Variants in CLIP1 observed in about 807,000 individuals in gnomAD.
CLIP1 encodes the protein CAP-Gly domain containing linker protein 1.
A neutral mutation model predicts 161.6 loss-of-function variants in CLIP1; 66 were observed. That is an observed-to-expected ratio of 0.41 (90% CI 0.33 to 0.50). The LOEUF (loss-of-function observed/expected upper bound fraction) is 0.50, where lower values mean the gene tolerates loss of function less well. CLIP1 is among the 20% of genes least tolerant of loss of function. CLIP1 has a pLI of 0.27. For synonymous variants in CLIP1, 598 were observed against 626.2 expected, an observed-to-expected ratio of 0.96 and a Z score of 0.67; for missense variants, 1,376 against 1,702.0, an observed-to-expected ratio of 0.81 and a Z score of 3.37.
At chr12:122,310,232 G>C (rs1951015156) in intron 19 of CLIP1, among the ~76,000 whole-genome samples, 1 of 152,012 alleles carries the variant, frequency 6.6e-6, no homozygotes, top group South Asian at 2.1e-4. Flanking sequence ...TCCATTAGAT[G>C]ATTTTACTAA....
At chr12:122,322,783 G>A (rs1951562832) in intron 17 of CLIP1, 1 of 152,608 alleles carries the variant, frequency 6.6e-6, no homozygotes, top group African/African-American at 2.4e-5. Flanking sequence ...TGCTTAATTT[G>A]TGACACTCTT....
Position 122,311,433 on chromosome 12 carries a change from T to TA in CLIP1, c.3474-1552_3474-1551insT, listed in dbSNP as rs1415931238. Among the ~76,000 whole-genome samples, 713 of 151,602 alleles carry TA rather than the reference T, an allele frequency of 4.7e-3. 5 individuals are homozygous for TA. The highest frequency in any genetic ancestry group is 7.5e-3 in the Non-Finnish European group (508 of 67,870). On this transcript the variant is annotated intron_variant, in intron 19 of 25. Coordinates refer to ENST00000620786, the MANE Select transcript of CLIP1 (RefSeq NM_001247997.2). The surrounding 1 kb of genome is among the most constrained non-coding windows in gnomAD (Gnocchi z 4.3). ...AACAAAATTATTATTATTATTATTT[T>TA]TTTTTTTTTGAGACAGAGTCTCGCT...
chr12:122,378,988 G>T (rs1036438996), intron 2 of CLIP1, among the ~76,000 whole-genome samples: 5 of 152,046 alleles, frequency 3.3e-5, no homozygotes, highest in African/African-American at 1.2e-4. Context: ...AGCCGGGCAT[G>T]GTGGAGCGCG....
rs35808337 is a variant in CLIP1 at position 122,285,638 on chromosome 12, CT to C, written c.3647+2850del. 8.4e-3 allele frequency among the ~76,000 whole-genome samples: 1,138 copies of C among 136,036 alleles called. 4 individuals are homozygous for C. The highest frequency in any genetic ancestry group is 0.023 in the Admixed American group (309 of 13,578). The allele number at this position is 136,036 out of a possible 152,430, so 89.2% of individuals were successfully genotyped here. ...ACAGGCGTGAGCCACCGCACCCGACCTTTTTTTTTTTTTTTTTAAATGGAGA... is the reference window on the plus strand; with the variant it reads ...ACAGGCGTGAGCCACCGCACCCGACCTTTTTTTTTTTTTTTTAAATGGAGA... On this transcript the variant is annotated intron_variant, in intron 21 of 25. Coordinates refer to ENST00000620786, the MANE Select transcript of CLIP1 (RefSeq NM_001247997.2).
At chr12:122,369,490 CCT>C (rs900344611) in intron 3 of CLIP1, among the ~76,000 whole-genome samples, 1 of 151,780 alleles carries the variant, frequency 6.6e-6, no homozygotes, top group African/African-American at 2.4e-5. Flanking sequence ...TATTCAAAAC[CCT>C]CTGATTCTCT....
At chr12:122,389,496 C>T (rs995928015) in intron 1 of CLIP1, among the ~76,000 whole-genome samples, 4 of 152,096 alleles carry the variant, frequency 2.6e-5, no homozygotes, top group Admixed American at 1.3e-4. Flanking sequence ...CGGTGGCTCA[C>T]GCCTGTAATC....
intron 24 of CLIP1, chr12:122,274,379 T>C (rs1955306540): frequency 4.2e-6 from 2 of 470,728 alleles, no homozygotes; most frequent in Middle Eastern, 6.3e-4. Flanking sequence ...CATGTCTAGG[T>C]GGTAAGGCTA....
chr12:122,338,482 C>G (rs934156967), intron 11 of CLIP1, among the ~76,000 whole-genome samples: 1 of 151,662 alleles, frequency 6.6e-6, no homozygotes, highest in African/African-American at 2.4e-5. Flanking sequence ...TTTGGGAGGC[C>G]GAGGTCAGTG....
rs57326141 is a variant in CLIP1, at chr12:122,293,002, C to CAAAAAAA, written c.3595-4468_3595-4462dup. On this transcript the variant is annotated intron_variant, in intron 20 of 25. Coordinates refer to ENST00000620786, the MANE Select transcript of CLIP1 (RefSeq NM_001247997.2). ...TGGGCAAAAGAGCAAGACTCTGTCT[C>CAAAAAAA]AAAAAAAAAAAAAAAAAAAAGGCAA... 7.6e-4 allele frequency among the ~76,000 whole-genome samples: 33 copies of CAAAAAAA among 43,578 alleles called. 2 individuals are homozygous for CAAAAAAA. The highest frequency in any genetic ancestry group is 3.5e-3 in the African/African-American group (31 of 8,824). The allele number at this position is 43,578 out of a possible 152,430, so 28.6% of individuals were successfully genotyped here. A position where few individuals can be genotyped will look rare whatever the true frequency, so the allele number is the denominator to read the frequency against.
intron 1 of CLIP1, among the ~76,000 whole-genome samples, chr12:122,401,255 G>T (rs1956131608): frequency 1.3e-5 from 2 of 152,164 alleles, no homozygotes; most frequent in Non-Finnish European, 2.9e-5. Flanking sequence ...TGGGTATGGT[G>T]GTTCACACCT....
chr12:122,338,295 C>T (rs746713789), intron 11 of CLIP1, among the ~76,000 whole-genome samples: 2 of 151,924 alleles, frequency 1.3e-5, no homozygotes, highest in Non-Finnish European at 2.9e-5. Context: ...GGTGACAGAA[C>T]GAGACTCTGT....
At chr12:122,411,041 G>A (rs1956511464) in intron 1 of CLIP1, among the ~76,000 whole-genome samples, 1 of 152,166 alleles carries the variant, frequency 6.6e-6, no homozygotes, top group Non-Finnish European at 1.5e-5. Flanking sequence ...TCAAAAGGTA[G>A]AGTTCGCATA....
At chr12:122,273,801 G>A (rs1441777501) in intron 25 of CLIP1, among the ~76,000 whole-genome samples, 6 of 151,646 alleles carry the variant, frequency 4.0e-5, no homozygotes, top group South Asian at 2.1e-4. Context: ...GCGCAATCTC[G>A]GCTCATTGCA....
intron 25 of CLIP1, 65 bp from the exon 26 acceptor site, chr12:122,273,165 G>T: frequency 7.1e-7 from 1 of 1,405,222 alleles, no homozygotes; most frequent in Non-Finnish European, 9.8e-7. Flanking sequence ...AAGAACACTT[G>T]CAAAAAATTT....
At chr12:122,295,841 C>T (rs1950447520) in intron 20 of CLIP1, among the ~76,000 whole-genome samples, 1 of 152,168 alleles carries the variant, frequency 6.6e-6, no homozygotes, top group African/African-American at 2.4e-5. Context: ...GATGGATTGA[C>T]ATTTTTTCGT....
intron 2 of CLIP1, among the ~76,000 whole-genome samples, chr12:122,379,683 AC>A (rs1305526193): frequency 6.6e-6 from 1 of 151,096 alleles, no homozygotes; most frequent in African/African-American, 2.4e-5. Context: ...GGTGGCTCAC[AC>A]CTATAATCCA....
intron 4 of CLIP1, 129 bp downstream of exon 4, chr12:122,363,854 G>A: frequency 1.6e-6 from 2 of 1,273,574 alleles, no homozygotes; most frequent in South Asian, 2.8e-5. Context: ...TTAGCAGATG[G>A]GTCTTAGGAA....
At chr12:122,348,159 T>G (rs574368156) in intron 9 of CLIP1, among the ~76,000 whole-genome samples, 48 of 152,258 alleles carry the variant, frequency 3.2e-4, no homozygotes, top group African/African-American at 1.2e-3. Context: ...TTAGCAACAT[T>G]CCTACATGTG....
intron 3 of CLIP1, chr12:122,364,986 C>A: frequency 2.5e-6 from 1 of 404,580 alleles, no homozygotes; most frequent in Non-Finnish European, 4.7e-6. Context: ...ATCGCAAGGA[C>A]AAAAAACCAA....
Sources: gnomAD v4.1 joint callset for allele counts (sites outside exome capture counted in the v4.1 genomes callset) on GRCh38, gnomAD v4.1.1 for gene constraint, Gnocchi (gnomAD v3.1) non-coding constraint, MANE v1.5 for transcripts, NCBI Gene and HGNC (gene_info 2026-07-23, HGNC 2026-07-21) for gene names.